Variants in B4GALT2 observed in about 807,000 individuals in gnomAD.
The protein encoded by B4GALT2 is N-acetyllactosamine synthase.
Under a neutral mutation model 33.2 loss-of-function variants are expected in B4GALT2, and 18 were observed. That is an observed-to-expected ratio of 0.54 (90% CI 0.38 to 0.80). The LOEUF (loss-of-function observed/expected upper bound fraction) is 0.80. B4GALT2 is among the 30% of genes least tolerant of loss of function. B4GALT2 has a pLI of 0.00. For synonymous variants in B4GALT2, 214 were observed against 217.6 expected (o/e 0.98, Z 0.15); for missense variants, 404 against 526.2 (o/e 0.77, Z 2.27).
In B4GALT2 at chr1:43,979,830, C is replaced by T. The variant is rs977080859; in HGVS notation, c.-53+319C>T. On this transcript the variant is annotated intron_variant, in intron 1 of 6. Transcript: ENST00000372324. The surrounding 1 kb of genome is among the most constrained non-coding windows in gnomAD (Gnocchi z 4.8). ...TCCACCCACTCCCCCTGCCCCCAGG[C>T]TCCACACCCACCCGGTCTGTGCGGC... is the stretch of plus-strand genomic sequence containing the variant. The T allele has an allele frequency of 3.2e-6, 2 of 620,414 alleles. No homozygotes were observed. The highest frequency in any genetic ancestry group is 3.8e-5 in the African/African-American group (2 of 52,592). 38.4% of individuals were successfully genotyped at this position (620,414 alleles called of 1,614,324 possible). A position where few individuals can be genotyped will look rare whatever the true frequency, so the allele number is the denominator to read the frequency against.
At chr1:43,989,188 A>C (rs762260810) in intron 6 of B4GALT2, among the ~76,000 whole-genome samples, 3 of 151,980 alleles carry the variant, frequency 2.0e-5, no homozygotes, top group Non-Finnish European at 4.4e-5. Flanking sequence ...CTCTACTAAA[A>C]ATACAAAAAT....
At chr1:43,988,309 G>A (rs562472924) in intron 6 of B4GALT2, among the ~76,000 whole-genome samples, 25 of 145,558 alleles carry the variant, frequency 1.7e-4, no homozygotes, top group African/African-American at 6.2e-4. Flanking sequence ...TTAGGAGCTC[G>A]AGACCAGCCT....
chr1:43,982,146 C>G lies in B4GALT2; in HGVS notation c.549+222C>G, dbSNP rs1346130679. Among the ~76,000 whole-genome samples, 2 of 152,232 alleles carry G rather than the reference C, an allele frequency of 1.3e-5. No homozygotes were observed. The highest frequency in any genetic ancestry group is 2.4e-5 in the African/African-American group (1 of 41,464). On this transcript the variant is annotated intron_variant, in intron 3 of 6. Transcript: ENST00000372324. This position sits in a 1 kb window ranked among gnomAD's most constrained non-coding sequence, Gnocchi z 4.3. Reference sequence around the variant, plus strand: ...CTCAGAAGGGGTTGAGCCCCACTCTCTACCCTTGGCAGGCCTCACCCCATG... The same window carrying G: ...CTCAGAAGGGGTTGAGCCCCACTCTGTACCCTTGGCAGGCCTCACCCCATG...
In B4GALT2 at chr1:43,984,969, C is replaced by T. The variant is rs1169873727; in HGVS notation, c.654C>T (p.Asp218=). ...AYDCFIFSDV[D]LVPMDDRNLY... is the part of the protein sequence containing the mutation. ...ACTGCTTCATCTTCAGCGATGTGGACCTGGTCCCCATGGATGACCGCAACC... is the reference window on the plus strand; with the variant it reads ...ACTGCTTCATCTTCAGCGATGTGGATCTGGTCCCCATGGATGACCGCAACC... The change falls in exon 4 of 7, where the codon GAC becomes GAT. Residue 218 remains aspartate (D), a synonymous_variant. Transcript: ENST00000372324. The surrounding 1 kb of genome is among the most constrained non-coding windows in gnomAD (Gnocchi z 5.6). 6.2e-7 allele frequency: 1 copy of T among 1,613,936 alleles called. No homozygotes were observed. Among genetic ancestry groups the T allele is most frequent in the Non-Finnish European group, 8.5e-7 (1 of 1,180,014 alleles).
In B4GALT2 at chr1:43,985,271, G is replaced by GC; in HGVS notation, c.741-5dup. 6.2e-7 allele frequency: 1 copy of GC among 1,608,996 alleles called. No individual in the cohort carries two copies. Among genetic ancestry groups the GC allele is most frequent in the East Asian group, 2.2e-5 (1 of 44,808 alleles). ...CCCTTACTGACACCTGCCTTCCCAT[G>GC]CCACAGGCTTCCCTATGCTGGCTAC... On this transcript the variant is annotated splice_polypyrimidine_tract_variant and splice_region_variant and intron_variant, in intron 4 of 6. Transcript: ENST00000372324.
chr1:43,981,240 C>A lies in B4GALT2; in HGVS notation c.80C>A (p.Ala27Asp). ...LLLCLLHFLVAVILYFDVYAQ... is the reference protein window; with the variant it reads ...LLLCLLHFLVDVILYFDVYAQ... ...CTCTGCCTGCTGCACTTCCTCGTGG[C>A]CGTCATCCTCTACTTTGACGTCTAC... is the stretch of plus-strand genomic sequence containing the variant. Residue 27 changes from alanine (A) to aspartate (D), a missense_variant, in exon 2 of 7, where the codon GCC becomes GAC. Transcript: ENST00000372324. This position sits in a 1 kb window ranked among gnomAD's most constrained non-coding sequence, Gnocchi z 8.1. The A allele has an allele frequency of 6.2e-7, 1 of 1,606,220 alleles. No homozygotes were observed. Among genetic ancestry groups the A allele is most frequent in the Non-Finnish European group, 8.5e-7 (1 of 1,179,892 alleles).
Position 43,985,412 on chromosome 1 carries a change from C to T in B4GALT2, c.863+12C>T, listed in dbSNP as rs200477043. The T allele has an allele frequency of 1.0e-4, 96 of 929,314 alleles. No individual in the cohort carries two copies. The Admixed American group carries it at 1.6e-3, about 16-fold the overall frequency. The allele number at this position is 929,314 out of a possible 1,614,324, so 57.6% of individuals were successfully genotyped here. ...GACATCTTCAACCGGTGAGTAAGCA[C>T]GCGGTGGGGAATAGGCTGGGTGGGG... On this transcript the variant is annotated intron_variant, in intron 5 of 6. Transcript: ENST00000372324.
chr1:43,985,075 C>A lies in B4GALT2; in HGVS notation c.740+20C>A. On this transcript the variant is annotated intron_variant, in intron 4 of 6. Transcript: ENST00000372324. ...CTTCCGGTGAGGGCTCTCTTCTCAG[C>A]TGGACCCAGCCCTCCTGCCCCCACC... is the stretch of plus-strand genomic sequence containing the variant. The A allele has an allele frequency of 6.2e-7, 1 of 1,611,530 alleles. No individual in the cohort carries two copies. Among genetic ancestry groups the A allele is most frequent in the Non-Finnish European group, 8.5e-7 (1 of 1,178,670 alleles).
rs775520119 is a variant in B4GALT2, at chr1:43,981,118, C to T, written c.-43C>T. On this transcript the variant is annotated 5_prime_UTR_variant, in exon 2 of 7. Coordinates refer to ENST00000372324, the MANE Select transcript of B4GALT2 (RefSeq NM_003780.5). This position sits in a 1 kb window ranked among gnomAD's most constrained non-coding sequence, Gnocchi z 8.1. ...CTCCCACCCTGCTCAGGCCAGCAGC[C>T]GGATGCCCGGGCCCACTGGGCGGGC... 17 of 1,586,796 alleles carry T rather than the reference C, an allele frequency of 1.1e-5. No individual in the cohort carries two copies. The highest frequency in any genetic ancestry group is 3.3e-5 in the South Asian group (3 of 90,092).
intron 1 of B4GALT2, chr1:43,980,303 G>T (rs575737015): frequency 2.5e-5 from 10 of 406,696 alleles, no homozygotes; most frequent in African/African-American, 2.1e-4. Flanking sequence ...CAAGCATCCC[G>T]TTCCGGGAAT....
At chr1:43,990,079 G>A (rs138201490) in intron 6 of B4GALT2, among the ~76,000 whole-genome samples, 46 of 152,238 alleles carry the variant, frequency 3.0e-4, no homozygotes, top group Middle Eastern at 3.4e-3. Context: ...CTGCTTTGAC[G>A]TTAATGCTGG....
At chr1:43,980,127 C>T (rs2085578511) in intron 1 of B4GALT2, 2 of 1,358,390 alleles carry the variant, frequency 1.5e-6, no homozygotes, top group East Asian at 3.0e-5. Flanking sequence ...TGTGGGTGAC[C>T]AGCTGGGACC....
At chr1:43,983,235 T>G (rs979795300) in intron 3 of B4GALT2, among the ~76,000 whole-genome samples, 2 of 152,090 alleles carry the variant, frequency 1.3e-5, no homozygotes, top group African/African-American at 4.8e-5. Flanking sequence ...AGCACCAGGA[T>G]GAAGACGGTC....
At chr1:43,980,612 A>G in intron 1 of B4GALT2, 1 of 985,670 alleles carries the variant, frequency 1.0e-6, no homozygotes, top group South Asian at 4.5e-5. Flanking sequence ...GTGCTCCTGC[A>G]TGGTAGGTGC....
rs374536791 is a variant in B4GALT2 at position 43,981,626 on chromosome 1, G to A, written c.314-63G>A. 6.4e-7 allele frequency: 1 copy of A among 1,551,236 alleles called. No homozygotes were observed. The highest frequency in any genetic ancestry group is 8.7e-7 in the Non-Finnish European group (1 of 1,144,502). On this transcript the variant is annotated intron_variant, in intron 2 of 6. Coordinates refer to ENST00000372324, the MANE Select transcript of B4GALT2 (RefSeq NM_003780.5). This position sits in a 1 kb window ranked among gnomAD's most constrained non-coding sequence, Gnocchi z 8.1. ...TCCCTAGCCCACCCCCAGGCTGAGG[G>A]TGGGGGCTGGTATCTGTGGATTCTG...
At position 43,981,553 on chromosome 1, in the gene B4GALT2, G is replaced by A; in HGVS notation, c.313+80G>A. ...CTAGAGAAATGGCATCTGGACCCAG[G>A]GGTGTGCCAGGGGTCCAGGTCTGTT... On this transcript the variant is annotated intron_variant, in intron 2 of 6. Transcript: ENST00000372324. This position sits in a 1 kb window ranked among gnomAD's most constrained non-coding sequence, Gnocchi z 8.1. 3 of 1,520,180 alleles carry A rather than the reference G, an allele frequency of 2.0e-6. No individual in the cohort carries two copies. The highest frequency in any genetic ancestry group is 1.4e-5 in the African/African-American group (1 of 72,336). 94.2% of individuals were successfully genotyped at this position (1,520,180 alleles called of 1,614,324 possible). A position where few individuals can be genotyped will look rare whatever the true frequency, so the allele number is the denominator to read the frequency against.
chr1:43,990,641 T>C lies in B4GALT2; in HGVS notation c.*193T>C. 1 of 731,280 alleles carries C rather than the reference T, an allele frequency of 1.4e-6. No homozygotes were observed. The highest frequency in any genetic ancestry group is 2.2e-6 in the Non-Finnish European group (1 of 457,872). 45.3% of individuals were successfully genotyped at this position (731,280 alleles called of 1,614,324 possible). ...TGGGGGGCCTCCTGCCTGGGCAGGC[T>C]CTTCAAGTGTGGCCCTCTTTGGAGT... On this transcript the variant is annotated 3_prime_UTR_variant, in exon 7 of 7. Transcript: ENST00000372324.
Position 43,981,114 on chromosome 1 carries a change from C to A in B4GALT2, c.-47C>A. 6.3e-7 allele frequency: 1 copy of A among 1,583,096 alleles called. No homozygotes were observed. Among genetic ancestry groups the A allele is most frequent in the South Asian group, 1.1e-5 (1 of 89,758 alleles). ...TTCCCTCCCACCCTGCTCAGGCCAG[C>A]AGCCGGATGCCCGGGCCCACTGGGC... On this transcript the variant is annotated 5_prime_UTR_variant, in exon 2 of 7. Transcript: ENST00000372324. The surrounding 1 kb of genome is among the most constrained non-coding windows in gnomAD (Gnocchi z 8.1).
chr1:43,990,409 G>C lies in B4GALT2; in HGVS notation c.1080G>C (p.Val360=). The C allele has an allele frequency of 6.2e-7, 1 of 1,614,136 alleles. No individual in the cohort carries two copies. The highest frequency in any genetic ancestry group is 1.7e-5 in the Admixed American group (1 of 60,024). Reference sequence around the variant, plus strand: ...AACCACTCTTCACCAATATCACAGTGGACATTGGGCGGCCTCCGTCGTGGC... The same window carrying C: ...AACCACTCTTCACCAATATCACAGTCGACATTGGGCGGCCTCCGTCGTGGC... The part of the protein sequence containing the change: ...SRQPLFTNIT[V]DIGRPPSWPP... Residue 360 remains valine, a synonymous_variant, in exon 7 of 7, where the codon GTG becomes GTC. Coordinates refer to ENST00000372324, the MANE Select transcript of B4GALT2 (RefSeq NM_003780.5).
Sources: gnomAD v4.1 joint callset for allele counts (sites outside exome capture counted in the v4.1 genomes callset) on GRCh38, gnomAD v4.1.1 for gene constraint, Gnocchi (gnomAD v3.1) non-coding constraint, MANE v1.5 for transcripts, NCBI Gene and HGNC (gene_info 2026-07-23, HGNC 2026-07-21) for gene names.